ZMYM2: variants seen among roughly 807,000 people sequenced by gnomAD.
ZMYM2 encodes zinc finger MYM-type containing 2, also known as zinc finger MYM-type protein 2.
ZMYM2 carries 56 observed loss-of-function variants against 162.8 expected under a neutral mutation model. The ratio of observed to expected loss-of-function variants is 0.34; its 90% CI spans 0.28 to 0.43. The LOEUF is 0.43. Ranked by LOEUF, ZMYM2 falls within the 20% of genes least tolerant of loss-of-function variation. ZMYM2 has a pLI of 1.00. For missense variants in ZMYM2, 1,275 were observed against 1,621.8 expected (o/e 0.79, Z 3.67); for synonymous variants, 510 against 541.6 (o/e 0.94, Z 0.81).
intron 2 of ZMYM2, among the ~76,000 whole-genome samples, chr13:19,971,532 G>C (rs1159658183): frequency 6.6e-6 from 1 of 151,616 alleles, no homozygotes; most frequent in Non-Finnish European, 1.5e-5. Flanking sequence ...AGCCTCACAA[G>C]GTGTTGGGAT....
the ZMYM2 span, among the ~76,000 whole-genome samples, chr13:19,894,348 G>GTT: frequency 9.7e-3 from 1,371 of 141,890 alleles, 41 homozygotes; most frequent in African/African-American, 0.033. Context: ...TGGATATCTT[G>GTT]TTTTTTTTTT....
chr13:19,870,595 C>CCTTCCTTCCTTCCTTCCTTT, the ZMYM2 span, among the ~76,000 whole-genome samples: 10 of 142,826 alleles, frequency 7.0e-5, no homozygotes, highest in African/African-American at 2.6e-4. Context: ...TTCCTTCCTT[C>CCTTCCTTCCTTCCTTCCTTT]CTTTCTTTCT....
chr13:19,966,573 C>A (rs1955809653), intron 2 of ZMYM2, among the ~76,000 whole-genome samples: 1 of 151,786 alleles, frequency 6.6e-6, no homozygotes, highest in Non-Finnish European at 1.5e-5. Context: ...TCCTGCGTAG[C>A]TGGGATTACA....
intron 21 of ZMYM2, among the ~76,000 whole-genome samples, chr13:20,069,404 G>A (rs1450194266): frequency 1.4e-5 from 2 of 141,556 alleles, no homozygotes; most frequent in Admixed American, 7.8e-5. Context: ...CATTAAGTAC[G>A]ATGCACCCTT....
the ZMYM2 span, among the ~76,000 whole-genome samples, chr13:19,950,791 C>T: frequency 2.0e-5 from 3 of 152,104 alleles, no homozygotes; most frequent in Admixed American, 1.3e-4. Flanking sequence ...TATAAGGAGT[C>T]CTTTCAGCTT....
At chr13:20,001,927 G>A (rs1193956940) in intron 3 of ZMYM2, among the ~76,000 whole-genome samples, 3 of 152,208 alleles carry the variant, frequency 2.0e-5, no homozygotes, top group Non-Finnish European at 4.4e-5. Context: ...ACATTATAGT[G>A]TAAACATAAC....
chr13:19,942,552 A>G, the ZMYM2 span, among the ~76,000 whole-genome samples: 34 of 151,744 alleles, frequency 2.2e-4, no homozygotes, highest in African/African-American at 8.0e-4. Context: ...AAAAAAAAAA[A>G]AAAGAAAATT....
the ZMYM2 span, among the ~76,000 whole-genome samples, chr13:19,892,287 T>A: frequency 5.3e-5 from 8 of 151,388 alleles, no homozygotes; most frequent in Admixed American, 2.6e-4. Context: ...TTATTTATTT[T>A]TTGAGACGGA....
intron 21 of ZMYM2, among the ~76,000 whole-genome samples, chr13:20,077,483 G>A (rs568578589): frequency 6.6e-6 from 1 of 150,514 alleles, no homozygotes; most frequent in Non-Finnish European, 1.5e-5. Context: ...TGTTATGCTC[G>A]TGTTGTATAC....
Position 20,064,437 on chromosome 13 carries a change from G to A in ZMYM2, c.3038-14G>A, listed in dbSNP as rs1364371643. The A allele has an allele frequency of 1.3e-6, 2 of 1,575,592 alleles. No homozygotes were observed. The highest frequency in any genetic ancestry group is 1.2e-5 in the South Asian group (1 of 85,392). The stretch of plus-strand genomic sequence containing the variant: ...CTATTTCATTTAAAATAAAAGTTCT[G>A]ATTTGGTTGTCAGCTGCTGAGGAGC... On this transcript the variant is annotated splice_polypyrimidine_tract_variant and intron_variant, in intron 18 of 24. Coordinates refer to ENST00000610343, the MANE Select transcript of ZMYM2 (RefSeq NM_197968.4).
the ZMYM2 span, among the ~76,000 whole-genome samples, chr13:19,937,206 T>C: frequency 1.2e-4 from 18 of 152,208 alleles, no homozygotes; most frequent in African/African-American, 3.8e-4. Context: ...TGGAGTGCAA[T>C]GGCACTATCT....
At chr13:20,030,723 G>A (rs1373472450) in intron 9 of ZMYM2, among the ~76,000 whole-genome samples, 1 of 151,990 alleles carries the variant, frequency 6.6e-6, no homozygotes, top group African/African-American at 2.4e-5. Flanking sequence ...TAGTAGAGAC[G>A]GGGTTTTGCC....
At chr13:19,870,550 T>TCTTTCTTC in the ZMYM2 span, among the ~76,000 whole-genome samples, 18 of 114,844 alleles carry the variant, frequency 1.6e-4, no homozygotes, top group African/African-American at 5.8e-4. Context: ...TTTCTTTCTT[T>TCTTTCTTC]CTTCCTTCCT....
At chr13:20,083,459 T>A (rs1250293576) in intron 23 of ZMYM2, among the ~76,000 whole-genome samples, 197 bp from the exon 24 acceptor site, 2 of 152,124 alleles carry the variant, frequency 1.3e-5, no homozygotes, top group South Asian at 2.1e-4. Context: ...GGACTGTCAG[T>A]TTTATAAAAT....
At position 20,036,727 on chromosome 13, in the gene ZMYM2, T is replaced by C. The variant is rs201500077; in HGVS notation, c.2120-10T>C. On this transcript the variant is annotated splice_polypyrimidine_tract_variant and intron_variant, in intron 11 of 24. Transcript: ENST00000610343. ...TTTTTGTTTTAATATATAAATCTTA[T>C]ATTTTTCAGGCTGCAAATTATTATA... 1.0e-5 allele frequency: 15 copies of C among 1,506,914 alleles called. No homozygotes were observed. In the East Asian group the frequency reaches 2.0e-4, roughly 20 times the overall value. 93.3% of individuals were successfully genotyped at this position (1,506,914 alleles called of 1,614,324 possible).
chr13:19,958,187 C>G (rs937206279), upstream of ZMYM2, among the ~76,000 whole-genome samples: 2 of 151,612 alleles, frequency 1.3e-5, no homozygotes, highest in African/African-American at 4.8e-5. Flanking sequence ...CCCACTCGGA[C>G]CCGCTCCAGC....
intron 22 of ZMYM2, 97 bp from the exon 23 acceptor site, chr13:20,082,684 A>G: frequency 9.4e-7 from 1 of 1,065,444 alleles, no homozygotes; most frequent in Non-Finnish European, 1.3e-6. Context: ...GAGAATTGGT[A>G]TAGATTTGTC....
chr13:19,987,882 G>A (rs1017631372), intron 2 of ZMYM2, among the ~76,000 whole-genome samples: 1 of 152,182 alleles, frequency 6.6e-6, no homozygotes, highest in African/African-American at 2.4e-5. Context: ...AAAGTGTTGG[G>A]ATTACAGGCG....
chr13:20,010,410 C>G (rs752250312), intron 6 of ZMYM2, among the ~76,000 whole-genome samples: 7 of 151,942 alleles, frequency 4.6e-5, no homozygotes, highest in Admixed American at 6.6e-5. Flanking sequence ...CCATGTTGTT[C>G]AGGCCTGGTC....
Sources: allele counts gnomAD v4.1 joint callset (sites outside exome capture counted in the v4.1 genomes callset), GRCh38; gene constraint gnomAD v4.1.1; transcripts MANE v1.5; gene names NCBI Gene and HGNC (gene_info 2026-07-23, HGNC 2026-07-21).